The following MAP3K7 variants were observed in gnomAD, a reference collection of about 807,000 sequenced individuals.
MAP3K7 encodes TGF-beta activated kinase 1.
In MAP3K7, 21 loss-of-function variants were observed where a neutral mutation model predicts 84.8. The ratio of observed to expected loss-of-function variants is 0.25; its 90% confidence interval spans 0.18 to 0.36. The LOEUF (loss-of-function observed/expected upper bound fraction) is 0.36, where lower values mean the gene tolerates loss of function less well. MAP3K7 is among the 10% of genes least tolerant of loss of function. MAP3K7 has a pLI of 1.00. For missense variants in MAP3K7, 503 were observed against 747.7 expected (o/e 0.67, Z 3.82); for synonymous variants, 241 against 247.7 (o/e 0.97, Z 0.25).
At chr6:90,557,045 G>A (rs1372852542) in intron 5 of MAP3K7, among the ~76,000 whole-genome samples, 4 of 151,990 alleles carry the variant, frequency 2.6e-5, no homozygotes, top group Non-Finnish European at 5.9e-5. Context: ...ATCCAATATA[G>A]AAGGAAAAAA....
intron 2 of MAP3K7, among the ~76,000 whole-genome samples, chr6:90,568,949 C>T (rs1145736): frequency 0.23 from 34,925 of 151,952 alleles, 4,359 homozygotes; most frequent in Non-Finnish European, 0.29. Flanking sequence ...ATGAACTCTG[C>T]CAAGAAATGT....
chr6:90,561,612 T>G lies in MAP3K7; in HGVS notation c.343+10A>C. On this transcript the variant is annotated intron_variant, in intron 4 of 16. Coordinates refer to ENST00000369329, the MANE Select transcript of MAP3K7 (RefSeq NM_145331.3). The stretch of plus-strand genomic sequence containing the variant: ...ATCCACTAGATAAAGACAGGTCTAA[T>G]GACACTCACCATTATATAAAGAGCC... 2 of 1,600,866 alleles carry G rather than the reference T, an allele frequency of 1.2e-6. No individual in the cohort carries two copies. The highest frequency in any genetic ancestry group is 1.7e-4 in the Middle Eastern group (1 of 6,020).
At chr6:90,524,929 G>A (rs1775270486) in intron 13 of MAP3K7, among the ~76,000 whole-genome samples, 1 of 151,756 alleles carries the variant, frequency 6.6e-6, no homozygotes, top group African/African-American at 2.4e-5. Flanking sequence ...AAATTTCAAA[G>A]GTATTTACTA....
intron 3 of MAP3K7, among the ~76,000 whole-genome samples, chr6:90,563,816 G>A (rs945842889): frequency 6.6e-6 from 1 of 152,224 alleles, no homozygotes; most frequent in Admixed American, 6.5e-5. Flanking sequence ...GGCAGCCAGA[G>A]AGAAAGGTCG....
intron 5 of MAP3K7, among the ~76,000 whole-genome samples, chr6:90,558,897 A>G (rs569442585): frequency 6.6e-6 from 1 of 152,376 alleles, no homozygotes; most frequent in African/African-American, 2.4e-5. Context: ...TAGGAAAAGA[A>G]TGCTTTGGCT....
Position 90,517,229 on chromosome 6 carries a change from T to C in MAP3K7, c.1641-548A>G, listed in dbSNP as rs35444097. On this transcript the variant is annotated intron_variant, in intron 16 of 16. Coordinates refer to ENST00000369329, the MANE Select transcript of MAP3K7 (RefSeq NM_145331.3). ...CCACTTCTTTTAAAACACTTACATT[T>C]GCAAGCACTTTCAGGAAAGACCCTC... Among the ~76,000 whole-genome samples the C allele has an allele frequency of 4.6e-3, 706 of 151,982 alleles. 3 individuals carry two copies. The highest frequency in any genetic ancestry group is 1.0e-2 in the Admixed American group (152 of 15,228).
intron 14 of MAP3K7, among the ~76,000 whole-genome samples, chr6:90,520,492 C>T (rs1379327953): frequency 2.6e-5 from 4 of 151,830 alleles, no homozygotes; most frequent in Non-Finnish European, 5.9e-5. Context: ...ATGTGAGGAA[C>T]ACCATGCAAA....
intron 1 of MAP3K7, 137 bp from the exon 2 acceptor site, chr6:90,571,944 G>A (rs1776919553): frequency 4.1e-6 from 2 of 482,898 alleles, no homozygotes; most frequent in Admixed American, 8.2e-5. Context: ...GAAATCAACA[G>A]TATCTGGATT....
intron 5 of MAP3K7, among the ~76,000 whole-genome samples, 186 bp from the exon 6 acceptor site, chr6:90,556,810 AAATT>A (rs1241332485): frequency 6.6e-6 from 1 of 152,306 alleles, no homozygotes; most frequent in Non-Finnish European, 1.5e-5. Context: ...TAATAAGCAA[AAATT>A]AATTAACCAT....
chr6:90,527,677 C>T (rs957269019), intron 13 of MAP3K7, among the ~76,000 whole-genome samples: 5 of 152,054 alleles, frequency 3.3e-5, no homozygotes, highest in African/African-American at 1.2e-4. Context: ...AGGCCACAGG[C>T]GAGGAACACA....
At chr6:90,530,352 T>C (rs1445426423) in intron 13 of MAP3K7, among the ~76,000 whole-genome samples, 1 of 152,194 alleles carries the variant, frequency 6.6e-6, no homozygotes, top group Non-Finnish European at 1.5e-5. Context: ...AAGAGGTCAC[T>C]GAACATCTGC....
chr6:90,572,069 A>G (rs1428614381), intron 1 of MAP3K7, among the ~76,000 whole-genome samples: 4 of 152,006 alleles, frequency 2.6e-5, no homozygotes. Context: ...GTAAAACCAA[A>G]AAAGACACAT....
chr6:90,519,453 T>A (rs538607000), intron 14 of MAP3K7, 134 bp from the exon 15 acceptor site: 2 of 627,510 alleles, frequency 3.2e-6, no homozygotes, highest in African/African-American at 3.9e-5. Context: ...CTATTGGTAA[T>A]TGAAGAGTCT....
chr6:90,556,750 G>A (rs888844646), intron 5 of MAP3K7, 126 bp from the exon 6 acceptor site: 2 of 911,724 alleles, frequency 2.2e-6, no homozygotes, highest in Non-Finnish European at 3.2e-6. Flanking sequence ...CAACTTCTGT[G>A]AAATGACTAA....
intron 14 of MAP3K7, among the ~76,000 whole-genome samples, chr6:90,520,871 T>C (rs1050484522): frequency 6.6e-6 from 1 of 151,816 alleles, no homozygotes; most frequent in Non-Finnish European, 1.5e-5. Context: ...ACTGATTTCC[T>C]CCTGATTTAC....
intron 6 of MAP3K7, among the ~76,000 whole-genome samples, chr6:90,554,560 C>T (rs1242266900): frequency 1.3e-5 from 2 of 152,196 alleles, no homozygotes; most frequent in Non-Finnish European, 2.9e-5. Flanking sequence ...TATAGCACTA[C>T]AACCATGCTA....
intron 1 of MAP3K7, among the ~76,000 whole-genome samples, chr6:90,586,378 C>CAAAAA (rs71027942): frequency 2.5e-5 from 2 of 78,566 alleles, no homozygotes; most frequent in Admixed American, 1.4e-4. Context: ...GACTCCGTCT[C>CAAAAA]AAAAAAAAAA....
rs75219264 is a variant in MAP3K7, at chr6:90,547,231, C to A, written c.1210+27G>T. On this transcript the variant is annotated intron_variant, in intron 11 of 16. Coordinates refer to ENST00000369329, the MANE Select transcript of MAP3K7 (RefSeq NM_145331.3). ...CCAAAAAGGCTTATATACATTTTCACTCTTCAGACTTGTAGTTCCTTTTTA... is the reference window on the plus strand; with the variant it reads ...CCAAAAAGGCTTATATACATTTTCAATCTTCAGACTTGTAGTTCCTTTTTA... The A allele has an allele frequency of 9.1e-4, 1,461 of 1,612,210 alleles. 17 individuals carry two copies. The African/African-American group carries it at 0.018, about 20-fold the overall frequency.
rs377183782 is a variant in MAP3K7, at chr6:90,541,116, T to A, written c.1291+3436A>T. On this transcript the variant is annotated intron_variant, in intron 12 of 16. Coordinates refer to ENST00000369329, the MANE Select transcript of MAP3K7 (RefSeq NM_145331.3). Reference sequence around the variant, plus strand: ...TATTAAAGTCCTAGAACAAAAAAAATCTAGAAAAACTTCAAAGAATCCAAT... The same window carrying A: ...TATTAAAGTCCTAGAACAAAAAAAAACTAGAAAAACTTCAAAGAATCCAAT... Among the ~76,000 whole-genome samples the A allele has an allele frequency of 9.9e-5, 15 of 151,960 alleles. No homozygotes were observed. In the South Asian group the frequency reaches 1.2e-3, roughly 13 times the overall value.
Sources: gnomAD v4.1 joint callset for allele counts (sites outside exome capture counted in the v4.1 genomes callset) on GRCh38, gnomAD v4.1.1 for gene constraint, MANE v1.5 for transcripts, NCBI Gene and HGNC (gene_info 2026-07-23, HGNC 2026-07-21) for gene names.